PTPRM: variants seen among roughly 807,000 people sequenced by gnomAD.
PTPRM encodes the protein protein tyrosine phosphatase receptor type M.
In PTPRM, 47 loss-of-function variants were observed where a neutral mutation model predicts 186.7. That is an observed-to-expected ratio of 0.25 (90% CI 0.20 to 0.32). The LOEUF is 0.32. Among genes scored for constraint, PTPRM ranks in the 10% least tolerant of loss-of-function variants. PTPRM has a pLI of 1.00. For synonymous variants in PTPRM, 668 were observed against 674.9 expected (o/e 0.99, Z 0.16); for missense variants, 1,494 against 1,865.0 (o/e 0.80, Z 3.66).
intron 19 of PTPRM, among the ~76,000 whole-genome samples, chr18:8,281,440 C>T (rs922942635): frequency 6.6e-6 from 1 of 152,176 alleles, no homozygotes; most frequent in African/African-American, 2.4e-5. Context: ...CATGGCCCTT[C>T]TACAGCAACA....
chr18:8,228,655 C>G (rs1033432912), intron 14 of PTPRM, among the ~76,000 whole-genome samples: 1 of 141,626 alleles, frequency 7.1e-6, no homozygotes, highest in African/African-American at 2.6e-5. Context: ...TCCTGGCCAA[C>G]ATGGTGAAAC....
intron 1 of PTPRM, among the ~76,000 whole-genome samples, chr18:7,672,764 G>A (rs918428011): frequency 2.6e-5 from 4 of 152,202 alleles, no homozygotes; most frequent in Middle Eastern, 3.2e-3. Flanking sequence ...TGGAGGACTC[G>A]GAGGTGAGGG....
chr18:7,876,662 C>T (rs1278517942), intron 2 of PTPRM, among the ~76,000 whole-genome samples: 1 of 152,140 alleles, frequency 6.6e-6, no homozygotes, highest in East Asian at 1.9e-4. Context: ...GACCTGCCCC[C>T]GTGGTAGTGA....
At chr18:8,396,179 T>C (rs1199736083) in intron 32 of PTPRM, among the ~76,000 whole-genome samples, 2 of 152,244 alleles carry the variant, frequency 1.3e-5, no homozygotes, top group African/African-American at 4.8e-5. Flanking sequence ...TGTTCCAGGA[T>C]GGAGGCAATT....
chr18:7,648,342 A>T (rs1001505547), intron 1 of PTPRM, among the ~76,000 whole-genome samples: 1 of 152,102 alleles, frequency 6.6e-6, no homozygotes, highest in Non-Finnish European at 1.5e-5. Context: ...TAAAATTAGG[A>T]CAATTAATAA....
intron 14 of PTPRM, among the ~76,000 whole-genome samples, chr18:8,161,194 T>C (rs1356065193): frequency 6.6e-6 from 1 of 152,188 alleles, no homozygotes; most frequent in Non-Finnish European, 1.5e-5. Context: ...GCAGGAGTGG[T>C]GTTGGCTCCT....
At chr18:8,048,753 G>A (rs1175478578) in intron 7 of PTPRM, among the ~76,000 whole-genome samples, 1 of 152,070 alleles carries the variant, frequency 6.6e-6, no homozygotes, top group East Asian at 1.9e-4. Context: ...CAAAATAGGA[G>A]GCTCTAAACA....
intron 24 of PTPRM, chr18:8,371,754 A>G (rs2095663916): frequency 6.6e-6 from 1 of 152,666 alleles, no homozygotes; most frequent in Non-Finnish European, 1.5e-5. Context: ...CTTTCTGCTG[A>G]CATAGGGAGG....
At chr18:8,305,757 CT>C (rs1470813415) in intron 20 of PTPRM, among the ~76,000 whole-genome samples, 1 of 152,214 alleles carries the variant, frequency 6.6e-6, no homozygotes, top group Admixed American at 6.5e-5. Flanking sequence ...TCCACCTCCT[CT>C]TCCCTGAAAG....
rs1012050702 is a variant in PTPRM at position 7,668,882 on chromosome 18, G to A, written c.73+100991G>A. ...AATTTGTCTTTTAATTATCTTTGTT[G>A]TTTATTGCCTGCCTCTCTGCTTGAA... is the stretch of plus-strand genomic sequence containing the variant. On this transcript the variant is annotated intron_variant, in intron 1 of 32. Transcript: ENST00000580170. This position sits in a 1 kb window ranked among gnomAD's most constrained non-coding sequence, Gnocchi z 4.7. 6.6e-6 allele frequency among the ~76,000 whole-genome samples: 1 copy of A among 151,876 alleles called. No homozygotes were observed. Among genetic ancestry groups the A allele is most frequent in the Admixed American group, 6.6e-5 (1 of 15,254 alleles).
chr18:7,634,820 A>G (rs1006563385), intron 1 of PTPRM, among the ~76,000 whole-genome samples: 1 of 152,210 alleles, frequency 6.6e-6, no homozygotes, highest in African/African-American at 2.4e-5. Context: ...AATGATCTCA[A>G]TTAGTGTAGA....
rs373911702 is a variant in PTPRM, at chr18:7,920,364, ATTG to A, written c.548-6198_548-6196del. ...TAATGAATCTATTATAGGTTTTTGC[ATTG>A]TTGTTACAATTAGGCTTATAAAACA... is the stretch of plus-strand genomic sequence containing the variant. On this transcript the variant is annotated intron_variant, in intron 4 of 32. Coordinates refer to ENST00000580170, the MANE Select transcript of PTPRM (RefSeq NM_001105244.2). Among the ~76,000 whole-genome samples, 304 of 152,170 alleles carry A rather than the reference ATTG, an allele frequency of 2.0e-3. 2 individuals are homozygous for A. The highest frequency in any genetic ancestry group is 7.1e-3 in the African/African-American group (294 of 41,534).
At chr18:7,744,912 A>T (rs1405185077) in intron 1 of PTPRM, among the ~76,000 whole-genome samples, 3 of 152,194 alleles carry the variant, frequency 2.0e-5, no homozygotes, top group African/African-American at 7.2e-5. Flanking sequence ...TGAAGTCAGA[A>T]TACTAGCCCT....
intron 7 of PTPRM, among the ~76,000 whole-genome samples, chr18:7,976,731 AAG>A (rs977945910): frequency 3.5e-4 from 54 of 152,284 alleles, no homozygotes; most frequent in African/African-American, 1.3e-3. Context: ...ACTGGAAAGG[AAG>A]AGAGGAAAAT....
intron 1 of PTPRM, among the ~76,000 whole-genome samples, chr18:7,658,998 G>T (rs758696305): frequency 1.2e-4 from 18 of 152,066 alleles, no homozygotes; most frequent in Non-Finnish European, 2.5e-4. Flanking sequence ...GCTCTCCCCA[G>T]TTCTGCAGAC....
intron 14 of PTPRM, among the ~76,000 whole-genome samples, chr18:8,179,033 C>T (rs896333733): frequency 1.3e-5 from 2 of 151,730 alleles, no homozygotes; most frequent in Admixed American, 6.6e-5. Context: ...GGACTGCATA[C>T]AGAAGGTATG....
At chr18:8,195,152 C>CTT (rs1164451439) in intron 14 of PTPRM, among the ~76,000 whole-genome samples, 30 of 117,026 alleles carry the variant, frequency 2.6e-4, no homozygotes, top group East Asian at 1.6e-3. Context: ...CTTAGAAGTT[C>CTT]TTTTTTTTTT....
chr18:7,708,290 A>T (rs927001050), intron 1 of PTPRM, among the ~76,000 whole-genome samples: 1 of 152,210 alleles, frequency 6.6e-6, no homozygotes, highest in African/African-American at 2.4e-5. Flanking sequence ...TAAAGAGTAT[A>T]ATTGACAGCT....
intron 7 of PTPRM, among the ~76,000 whole-genome samples, chr18:7,997,365 C>G (rs1315472639): frequency 6.6e-6 from 1 of 152,048 alleles, no homozygotes; most frequent in Admixed American, 6.6e-5. Context: ...ACCCCCATCA[C>G]CAAATATAAA....
Sources: gnomAD v4.1 joint callset for allele counts (sites outside exome capture counted in the v4.1 genomes callset) on GRCh38, gnomAD v4.1.1 for gene constraint, Gnocchi (gnomAD v3.1) non-coding constraint, MANE v1.5 for transcripts, NCBI Gene and HGNC (gene_info 2026-07-23, HGNC 2026-07-21) for gene names.